The following XPO1 variants were observed in gnomAD, a reference collection of about 807,000 sequenced individuals.
XPO1 encodes exportin 1.
Under a neutral mutation model 133.3 loss-of-function variants are expected in XPO1, and 5 were observed. That is an observed-to-expected ratio of 0.04 (90% confidence interval 0.02 to 0.08). XPO1 has a LOEUF of 0.08. XPO1 is among the 10% of genes least tolerant of loss of function. XPO1 has a pLI of 1.00. For missense variants in XPO1, 506 were observed against 1,267.5 expected, an observed-to-expected ratio of 0.40 and a Z score of 9.12; for synonymous variants, 419 against 408.2, an observed-to-expected ratio of 1.03 and a Z score of -0.32.
chr2:61,484,230 T>C, intron 20 of XPO1, 125 bp from the exon 21 acceptor site: 1 of 797,868 alleles, frequency 1.3e-6, no homozygotes, highest in Non-Finnish European at 1.9e-6. Context: ...GAAGATAGAA[T>C]GCCTCCTGAA....
At chr2:61,501,412 G>C (rs1048489250) in intron 6 of XPO1, among the ~76,000 whole-genome samples, 2 of 152,018 alleles carry the variant, frequency 1.3e-5, no homozygotes, top group East Asian at 1.9e-4. Flanking sequence ...AATATGCACA[G>C]GCATATCAGA....
intron 17 of XPO1, among the ~76,000 whole-genome samples, chr2:61,489,387 C>T (rs112564586): frequency 0.019 from 2,784 of 145,064 alleles, 82 homozygotes; most frequent in African/African-American, 0.065. Flanking sequence ...CACTCCAGCC[C>T]GGGCACCAAG....
chr2:61,489,578 G>T (rs1485660066), intron 17 of XPO1, among the ~76,000 whole-genome samples: 1 of 148,774 alleles, frequency 6.7e-6, no homozygotes, highest in Non-Finnish European at 1.5e-5. Context: ...TTTTTGGGAC[G>T]GAGTCTCGTT....
intron 12 of XPO1, chr2:61,493,644 G>T (rs1306771543): frequency 2.5e-6 from 1 of 406,488 alleles, no homozygotes. Context: ...TGGTTTAGTA[G>T]ATTGGCAGGT....
chr2:61,483,560 AGAACC>A (rs1696511907), intron 21 of XPO1: 1 of 184,960 alleles, frequency 5.4e-6, no homozygotes, highest in Non-Finnish European at 1.1e-5. Flanking sequence ...AAATAAAAAA[AGAACC>A]TCATGAATAT....
At position 61,485,975 on chromosome 2, in the gene XPO1, G is replaced by GAAAAAAA; in HGVS notation, c.2314-20_2314-14dup. On this transcript the variant is annotated splice_polypyrimidine_tract_variant and intron_variant, in intron 19 of 24. Coordinates refer to ENST00000401558, the MANE Select transcript of XPO1 (RefSeq NM_003400.4). ...AATTTTCAGCGACCTGTTGGGGAGGGAAAAAAAAGTTATGTTTTAATTTAG... is the reference window on the plus strand; with the variant it reads ...AATTTTCAGCGACCTGTTGGGGAGGGAAAAAAAAAAAAAAAGTTATGTTTTAATTTAG... The GAAAAAAA allele has an allele frequency of 1.9e-6, 3 of 1,581,842 alleles. No individual in the cohort carries two copies. The highest frequency in any genetic ancestry group is 1.4e-5 in the African/African-American group (1 of 72,910).
chr2:61,514,069 C>A (rs532990343), intron 4 of XPO1, among the ~76,000 whole-genome samples: 1 of 152,042 alleles, frequency 6.6e-6, no homozygotes, highest in South Asian at 2.1e-4. Context: ...TACCTGTAAT[C>A]CCAGCTACTC....
intron 4 of XPO1, among the ~76,000 whole-genome samples, chr2:61,515,595 T>C (rs1270359765): frequency 1.3e-5 from 2 of 152,168 alleles, no homozygotes; most frequent in Non-Finnish European, 2.9e-5. Context: ...TTAGCTCTAA[T>C]GCCCAAAACC....
intron 19 of XPO1, among the ~76,000 whole-genome samples, chr2:61,486,518 G>T (rs950362965): frequency 1.3e-5 from 2 of 152,072 alleles, no homozygotes; most frequent in Non-Finnish European, 2.9e-5. Flanking sequence ...GTGCAGTGGT[G>T]CCATCTTGGC....
At position 61,499,872 on chromosome 2, in the gene XPO1, T is replaced by C; in HGVS notation, c.431A>G (p.Lys144Arg). Residue 144 changes from lysine to arginine, a missense_variant, in exon 7 of 25, where the codon AAA becomes AGA. Physicochemically the swap from Lys to Arg is conservative, Grantham distance 26. Transcript: ENST00000401558. ...LVQILKQEWP[K>R]HWPTFISDIV... is the part of the protein sequence containing the mutation. ...ATCACTGATAAAAGTTGGCCAATGT[T>C]TGGGCCATTCTTGTTTCAGTATCTA... 6.2e-7 allele frequency: 1 copy of C among 1,609,806 alleles called. No individual in the cohort carries two copies. The highest frequency in any genetic ancestry group is 8.5e-7 in the Non-Finnish European group (1 of 1,179,136).
At chr2:61,481,632 A>G (rs554201295) in intron 23 of XPO1, among the ~76,000 whole-genome samples, 2 of 150,440 alleles carry the variant, frequency 1.3e-5, no homozygotes, top group African/African-American at 2.5e-5. Context: ...TTTAGTAGAG[A>G]CAGGGTTTCT....
intron 6 of XPO1, 109 bp from the exon 7 acceptor site, chr2:61,500,003 T>A: frequency 9.2e-7 from 1 of 1,083,740 alleles, no homozygotes; most frequent in Non-Finnish European, 1.3e-6. Flanking sequence ...ATAAATCACT[T>A]TTCATTTTCT....
chr2:61,496,775 A>G, intron 10 of XPO1, 104 bp downstream of exon 10: 1 of 1,233,852 alleles, frequency 8.1e-7, no homozygotes, highest in Non-Finnish European at 1.1e-6. Context: ...ACAAAAGATT[A>G]TGGCTTATCT....
chr2:61,537,110 T>G (rs1699387527), intron 1 of XPO1: 1 of 151,454 alleles, frequency 6.6e-6, no homozygotes, highest in South Asian at 2.1e-4. Flanking sequence ...CATCCCAAGC[T>G]CTCCACCGAG....
At chr2:61,500,578 C>CAAAAAAAAAAAAAAAA (rs56213841) in intron 6 of XPO1, among the ~76,000 whole-genome samples, 6 of 40,412 alleles carry the variant, frequency 1.5e-4, no homozygotes, top group African/African-American at 8.1e-4. Context: ...GACTCCATCT[C>CAAAAAAAAAAAAAAAA]AAAAAAAAAA....
intron 4 of XPO1, among the ~76,000 whole-genome samples, chr2:61,510,937 CAAAAAA>C (rs1163597698): frequency 4.9e-5 from 3 of 61,242 alleles, no homozygotes; most frequent in African/African-American, 1.1e-4. Context: ...GACCTTATCT[CAAAAAA>C]AAAAAAAAAA....
At chr2:61,479,518 C>T (rs933601957) in intron 24 of XPO1, among the ~76,000 whole-genome samples, 3 of 152,244 alleles carry the variant, frequency 2.0e-5, no homozygotes, top group Non-Finnish European at 2.9e-5. Context: ...GATTATTATG[C>T]ATTGTATGCT....
chr2:61,536,876 CGG>C (rs1210772029), intron 1 of XPO1: 1 of 152,730 alleles, frequency 6.5e-6, no homozygotes, highest in African/African-American at 2.4e-5. Context: ...TCACAGACAT[CGG>C]AATGAAGGAG....
At chr2:61,520,354 G>A (rs1314657580) in intron 4 of XPO1, among the ~76,000 whole-genome samples, 1 of 152,084 alleles carries the variant, frequency 6.6e-6, no homozygotes, top group Non-Finnish European at 1.5e-5. Flanking sequence ...AATTAAAAAG[G>A]TAATCATGTT....
Sources: gnomAD v4.1 joint callset for allele counts (sites outside exome capture counted in the v4.1 genomes callset) on GRCh38, gnomAD v4.1.1 for gene constraint, MANE v1.5 for transcripts, NCBI Gene and HGNC (gene_info 2026-07-23, HGNC 2026-07-21) for gene names.